XRCC2: variants seen among roughly 807,000 people sequenced by gnomAD.
XRCC2 encodes DNA repair protein XRCC2.
Under a neutral mutation model 27.3 loss-of-function variants are expected in XRCC2, and 24 were observed. The observed-to-expected ratio is 0.88, with a 90% CI of 0.64 to 1.24. XRCC2 has a LOEUF of 1.24. Ranked by LOEUF, XRCC2 falls within the 50% of genes most tolerant of loss-of-function variation. XRCC2 has a pLI of 0.00. For synonymous variants in XRCC2, 106 were observed against 115.4 expected, an observed-to-expected ratio of 0.92 and a Z score of 0.52; for missense variants, 321 against 325.8, an observed-to-expected ratio of 0.99 and a Z score of 0.11.
chr7:152,660,636 G>T, intron 2 of XRCC2, 65 bp downstream of exon 2: 2 of 1,388,544 alleles, frequency 1.4e-6, no homozygotes, highest in South Asian at 1.2e-5. Context: ...GTATACATGT[G>T]AGCTTATGTG....
At chr7:152,657,343 A>G (rs2098031127) in intron 2 of XRCC2, among the ~76,000 whole-genome samples, 2 of 151,914 alleles carry the variant, frequency 1.3e-5, no homozygotes, top group South Asian at 4.2e-4. Flanking sequence ...TCTGTTGCCC[A>G]GGCTGGAGTG....
intron 1 of XRCC2, among the ~76,000 whole-genome samples, chr7:152,674,107 T>C (rs1396726349): frequency 3.9e-5 from 6 of 152,118 alleles, no homozygotes; most frequent in Non-Finnish European, 7.3e-5. Context: ...GCAGCGCCAA[T>C]TGCCTAGCTT....
chr7:152,650,608 G>C (rs943207350), intron 2 of XRCC2, among the ~76,000 whole-genome samples: 12 of 152,136 alleles, frequency 7.9e-5, no homozygotes, highest in Non-Finnish European at 1.6e-4. Flanking sequence ...ACGGATTCAA[G>C]GGCTGGGCGC....
rs1192169809 is a variant in XRCC2 at position 152,649,121 on chromosome 7, T to A, written c.364A>T (p.Ser122Cys). The A allele has an allele frequency of 6.2e-7, 1 of 1,614,010 alleles. No homozygotes were observed. Among genetic ancestry groups the A allele is most frequent in the South Asian group, 1.1e-5 (1 of 91,076 alleles). ...AGTGTAAGAAGTAAGTGGGTGCTACTACTGCAGTACACCAAAAAAAATCTT... is the reference window on the plus strand; with the variant it reads ...AGTGTAAGAAGTAAGTGGGTGCTACAACTGCAGTACACCAAAAAAAATCTT... The part of the protein sequence containing the change: ...LGRFFLVYCS[S>C]STHLLLTLYS... Residue 122 changes from serine (S) to cysteine (C), a missense_variant, in exon 3 of 3, where the codon AGT (serine) becomes TGT (cysteine). Transcript: ENST00000359321.
At chr7:152,672,389 C>G (rs1194942220) in intron 1 of XRCC2, among the ~76,000 whole-genome samples, 1 of 152,088 alleles carries the variant, frequency 6.6e-6, no homozygotes, top group African/African-American at 2.4e-5. Flanking sequence ...TGTAGCTTTT[C>G]TTTTTAAGAA....
Position 152,645,951 on chromosome 7 carries a change from C to A in XRCC2, c.*2691G>T, listed in dbSNP as rs972710306. 6.6e-6 allele frequency: 1 copy of A among 152,136 alleles called. No homozygotes were observed. Among genetic ancestry groups the A allele is most frequent in the African/African-American group, 2.4e-5 (1 of 41,438 alleles). The allele number at this position is 152,136 out of a possible 1,614,324, so 9.4% of individuals were successfully genotyped here. ...AGCAAATATGTATTTTAAAAACCAG[C>A]CTAAAACTGTCATTTTAACTGGAGT... On this transcript the variant is annotated 3_prime_UTR_variant, in exon 3 of 3. Transcript: ENST00000359321.
chr7:152,653,617 A>C (rs1156785998), intron 2 of XRCC2, among the ~76,000 whole-genome samples: 1 of 82,594 alleles, frequency 1.2e-5, no homozygotes, highest in Non-Finnish European at 2.5e-5. Flanking sequence ...GTGCCACCAC[A>C]CCTGGGTAAT....
chr7:152,674,730 A>G (rs1194457089), intron 1 of XRCC2, among the ~76,000 whole-genome samples: 1 of 41,028 alleles, frequency 2.4e-5, no homozygotes, highest in Non-Finnish European at 4.0e-5. Context: ...TTAAATATAT[A>G]TTATATATAA....
At chr7:152,657,215 G>T (rs549301104) in intron 2 of XRCC2, among the ~76,000 whole-genome samples, 1 of 135,010 alleles carries the variant, frequency 7.4e-6, no homozygotes, top group African/African-American at 2.8e-5. Context: ...CATCCTGGGC[G>T]ACAGAGTGAG....
At chr7:152,673,066 G>T (rs2098038776) in intron 1 of XRCC2, among the ~76,000 whole-genome samples, 1 of 152,100 alleles carries the variant, frequency 6.6e-6, no homozygotes, top group South Asian at 2.1e-4. Context: ...AGGGAAAAAT[G>T]GATTGTTCTA....
At chr7:152,653,372 T>C (rs2098029362) in intron 2 of XRCC2, among the ~76,000 whole-genome samples, 1 of 152,144 alleles carries the variant, frequency 6.6e-6, no homozygotes, top group African/African-American at 2.4e-5. Context: ...AGCGTAAAAA[T>C]GGACTAATAC....
chr7:152,660,558 T>C, intron 2 of XRCC2, 143 bp downstream of exon 2: 1 of 613,464 alleles, frequency 1.6e-6, no homozygotes, highest in Non-Finnish European at 2.6e-6. Context: ...AAAAGCTTTC[T>C]GTCACAACCT....
intron 1 of XRCC2, among the ~76,000 whole-genome samples, chr7:152,662,836 G>A (rs1161769650): frequency 6.6e-6 from 1 of 151,404 alleles, no homozygotes; most frequent in South Asian, 2.1e-4. Context: ...GCCTCCCAAA[G>A]TGCTGGGATT....
At chr7:152,665,648 T>C (rs373173777) in intron 1 of XRCC2, among the ~76,000 whole-genome samples, 2 of 151,910 alleles carry the variant, frequency 1.3e-5, no homozygotes, top group Non-Finnish European at 2.9e-5. Context: ...TCCAGCTAAT[T>C]TTTTTTGTTA....
intron 1 of XRCC2, among the ~76,000 whole-genome samples, chr7:152,662,961 G>C (rs1351461846): frequency 1.3e-5 from 2 of 152,108 alleles, no homozygotes; most frequent in South Asian, 4.1e-4. Flanking sequence ...ACAGGCGTTC[G>C]TTGAATTTCT....
chr7:152,660,810 C>T lies in XRCC2; in HGVS notation c.40-28G>A, dbSNP rs576540368. 4.5e-6 allele frequency: 7 copies of T among 1,544,930 alleles called. No homozygotes were observed. The East Asian group carries it at 6.7e-5, about 15-fold the overall frequency. ...TATAAAAGAAGAGAGAAGGAAAACT[C>T]ATTATTTAAAAATATAAAATCCTAG... On this transcript the variant is annotated intron_variant, in intron 1 of 2. Coordinates refer to ENST00000359321, the MANE Select transcript of XRCC2 (RefSeq NM_005431.2).
At chr7:152,649,892 G>A (rs963397682) in intron 2 of XRCC2, among the ~76,000 whole-genome samples, 17 of 152,118 alleles carry the variant, frequency 1.1e-4, no homozygotes, top group African/African-American at 3.1e-4. Context: ...CTGCCCTGCC[G>A]CACCCTCCTG....
At chr7:152,651,064 C>T (rs1325466124) in intron 2 of XRCC2, among the ~76,000 whole-genome samples, 6 of 152,096 alleles carry the variant, frequency 3.9e-5, no homozygotes, top group African/African-American at 9.6e-5. Context: ...CTCAGCCTCC[C>T]GAGTAGCTGG....
intron 1 of XRCC2, among the ~76,000 whole-genome samples, chr7:152,662,481 A>G (rs990633370): frequency 3.3e-5 from 5 of 151,830 alleles, no homozygotes; most frequent in Non-Finnish European, 7.4e-5. Context: ...TTTCTTGGGA[A>G]TCAGCACAGA....
Sources: gnomAD v4.1 joint callset for allele counts (sites outside exome capture counted in the v4.1 genomes callset) on GRCh38, gnomAD v4.1.1 for gene constraint, MANE v1.5 for transcripts, NCBI Gene and HGNC (gene_info 2026-07-23, HGNC 2026-07-21) for gene names.